Variants in CPXM2 observed in about 807,000 individuals in gnomAD.
CPXM2 encodes carboxypeptidase X, M14 family member 2, also known as inactive carboxypeptidase-like protein X2.
Under a neutral mutation model 86.1 loss-of-function variants are expected in CPXM2, and 66 were observed. The ratio of observed to expected loss-of-function variants is 0.77; its 90% CI spans 0.63 to 0.94. The LOEUF is 0.94. Among genes scored for constraint, CPXM2 ranks in the 40% least tolerant of loss-of-function variants. CPXM2 has a pLI of 0.00. For missense variants in CPXM2, 948 were observed against 1,026.3 expected (o/e 0.92, Z 1.04); for synonymous variants, 388 against 400.2 (o/e 0.97, Z 0.36).
At chr10:123,758,698 T>C (rs887329749) in intron 11 of CPXM2, among the ~76,000 whole-genome samples, 1 of 152,228 alleles carries the variant, frequency 6.6e-6, no homozygotes, top group African/African-American at 2.4e-5. Flanking sequence ...GAAGTACCAG[T>C]GGCTTCCTTC....
intron 2 of CPXM2, among the ~76,000 whole-genome samples, chr10:123,928,637 G>A (rs1394291352): frequency 1.3e-5 from 2 of 152,218 alleles, no homozygotes; most frequent in African/African-American, 4.8e-5. Flanking sequence ...ACCATGCTGT[G>A]AGGAAGCCCA....
At chr10:123,794,735 G>A (rs757494675) in intron 6 of CPXM2, among the ~76,000 whole-genome samples, 1 of 44,712 alleles carries the variant, frequency 2.2e-5, no homozygotes, top group Non-Finnish European at 4.9e-5. Context: ...ATTTAAGACC[G>A]TGTGTGTGTG....
intron 2 of CPXM2, among the ~76,000 whole-genome samples, chr10:123,878,990 T>C (rs1343524310): frequency 6.6e-6 from 1 of 152,126 alleles, no homozygotes; most frequent in Non-Finnish European, 1.5e-5. Context: ...ACAGCCACAG[T>C]GTGCACTGTG....
At chr10:123,838,282 G>A (rs1456163123) in intron 4 of CPXM2, among the ~76,000 whole-genome samples, 1 of 152,100 alleles carries the variant, frequency 6.6e-6, no homozygotes, top group Non-Finnish European at 1.5e-5. Context: ...CCAACATGGT[G>A]AAACCCTGTG....
At chr10:123,942,915 C>G (rs1945790340), upstream of CPXM2, among the ~76,000 whole-genome samples, 1 of 152,112 alleles carries the variant, frequency 6.6e-6, no homozygotes. Context: ...TTTACCTTAC[C>G]CTTTCTATAT....
At chr10:123,881,031 G>A (rs1206746795) in intron 1 of CPXM2, among the ~76,000 whole-genome samples, 3 of 151,468 alleles carry the variant, frequency 2.0e-5, no homozygotes, top group Non-Finnish European at 4.4e-5. Flanking sequence ...CTGTGGGTAA[G>A]GATGCTGCCC....
At position 123,891,570 on chromosome 10, in the gene CPXM2, G is replaced by T; in HGVS notation, c.90C>A (p.Leu30=). ...CCTGCCCGTAATAATCAGGGTCCTC[G>T]AGGGCTGCGCCCTGGGCTCCGACCC... The part of the protein sequence containing the change: ...LAGVGAQGAA[L]EDPDYYGQEI... Residue 30 remains leucine (L), a synonymous_variant, in exon 1 of 14, where the codon CTC becomes CTA. Transcript: ENST00000241305. The surrounding 1 kb of genome is among the most constrained non-coding windows in gnomAD (Gnocchi z 5.6). 2 of 1,544,960 alleles carry T rather than the reference G, an allele frequency of 1.3e-6. No individual in the cohort carries two copies. Among genetic ancestry groups the T allele is most frequent in the Non-Finnish European group, 1.7e-6 (2 of 1,144,014 alleles).
chr10:123,850,085 T>C (rs1848570375), intron 3 of CPXM2, among the ~76,000 whole-genome samples: 1 of 152,228 alleles, frequency 6.6e-6, no homozygotes, highest in South Asian at 2.1e-4. Context: ...ATCTGGGAGA[T>C]TCACCCAGAC....
In CPXM2 at chr10:123,756,787, G is replaced by A. The variant is rs74161096; in HGVS notation, c.1917+426C>T. Among the ~76,000 whole-genome samples the A allele has an allele frequency of 8.9e-3, 1,354 of 152,318 alleles. 17 individuals carry two copies. The highest frequency in any genetic ancestry group is 0.031 in the African/African-American group (1,275 of 41,582). Reference sequence around the variant, plus strand: ...ATGAAGAGGTGGCAAGATGGCAGCCGAGGAGACAAGCCTCCGAGGACACCG... The same window carrying A: ...ATGAAGAGGTGGCAAGATGGCAGCCAAGGAGACAAGCCTCCGAGGACACCG... On this transcript the variant is annotated intron_variant, in intron 12 of 13. Coordinates refer to ENST00000241305, the MANE Select transcript of CPXM2 (RefSeq NM_198148.3).
chr10:123,776,940 G>A (rs1450813708), intron 7 of CPXM2: 1 of 152,186 alleles, frequency 6.6e-6, no homozygotes, highest in African/African-American at 2.4e-5. Context: ...AAAGAGGAGA[G>A]TGGAGAAGAG....
chr10:123,896,058 AAGG>A (rs75557239), upstream of CPXM2, among the ~76,000 whole-genome samples: 809 of 152,308 alleles, frequency 5.3e-3, 13 homozygotes, highest in Middle Eastern at 0.041. Flanking sequence ...GAGCCCCACA[AAGG>A]AGATTTATGT....
intron 2 of CPXM2, among the ~76,000 whole-genome samples, chr10:123,911,504 G>A (rs72829724): frequency 0.081 from 12,238 of 151,362 alleles, 649 homozygotes; most frequent in Non-Finnish European, 0.094. Flanking sequence ...AAGTAATTGT[G>A]GGTTTTGCCA....
At chr10:123,842,103 T>C (rs959995282) in intron 4 of CPXM2, among the ~76,000 whole-genome samples, 2 of 152,224 alleles carry the variant, frequency 1.3e-5, no homozygotes, top group Admixed American at 6.5e-5. Context: ...TCTACTCTGC[T>C]CTACCTGACA....
chr10:123,757,739 T>G (rs191626512), intron 11 of CPXM2, among the ~76,000 whole-genome samples: 126 of 152,358 alleles, frequency 8.3e-4, no homozygotes, highest in African/African-American at 3.0e-3. Context: ...ATCTCTACAG[T>G]TGTGCTGTCT....
intron 4 of CPXM2, among the ~76,000 whole-genome samples, chr10:123,822,972 TA>T (rs1475280385): frequency 6.6e-6 from 1 of 152,154 alleles, no homozygotes; most frequent in African/African-American, 2.4e-5. Flanking sequence ...AGGAATATAT[TA>T]AAAACTGCTG....
At chr10:123,808,604 C>T (rs1187684436) in intron 4 of CPXM2, among the ~76,000 whole-genome samples, 1 of 152,124 alleles carries the variant, frequency 6.6e-6, no homozygotes, top group Non-Finnish European at 1.5e-5. Context: ...CTAACAGAAG[C>T]ACACATGAAT....
chr10:123,756,167 AG>A (rs1248988160), intron 12 of CPXM2, among the ~76,000 whole-genome samples: 3 of 152,210 alleles, frequency 2.0e-5, no homozygotes, highest in Non-Finnish European at 4.4e-5. Flanking sequence ...AACCCATGGA[AG>A]GGGAACCTTG....
intron 11 of CPXM2, among the ~76,000 whole-genome samples, chr10:123,758,129 G>A (rs1333402961): frequency 6.6e-6 from 1 of 152,172 alleles, no homozygotes; most frequent in East Asian, 1.9e-4. Context: ...CTGGCATGAC[G>A]ACAGCAGGAC....
At chr10:123,875,350 A>T (rs1329455337) in intron 2 of CPXM2, among the ~76,000 whole-genome samples, 1 of 152,144 alleles carries the variant, frequency 6.6e-6, no homozygotes, top group Non-Finnish European at 1.5e-5. Context: ...CCGTCTGTCA[A>T]GAGGGGTGTG....
Sources: gnomAD v4.1 joint callset for allele counts (sites outside exome capture counted in the v4.1 genomes callset) on GRCh38, gnomAD v4.1.1 for gene constraint, Gnocchi (gnomAD v3.1) non-coding constraint, MANE v1.5 for transcripts, NCBI Gene and HGNC (gene_info 2026-07-23, HGNC 2026-07-21) for gene names.